The following CACNA2D3 variants were observed in gnomAD, a reference collection of about 807,000 sequenced individuals.
The protein encoded by CACNA2D3 is calcium voltage-gated channel auxiliary subunit alpha2delta 3, also known as voltage-dependent calcium channel subunit alpha-2/delta-3.
In CACNA2D3, 60 loss-of-function variants were observed where a neutral mutation model predicts 160.6. That is an observed-to-expected ratio of 0.37 (90% CI 0.30 to 0.46). The LOEUF (loss-of-function observed/expected upper bound fraction) is 0.46, where lower values mean the gene tolerates loss of function less well. Ranked by LOEUF, CACNA2D3 falls within the 20% of genes least tolerant of loss-of-function variation. The probability of loss-of-function intolerance (pLI) is 1.00; values close to 1 mark genes in which losing one functional copy is unlikely to be tolerated. For synonymous variants in CACNA2D3, 558 were observed against 492.9 expected (o/e 1.13, Z -1.75); for missense variants, 1,205 against 1,365.0 (o/e 0.88, Z 1.85).
chr3:54,517,580 A>G (rs1321031985), intron 5 of CACNA2D3, among the ~76,000 whole-genome samples: 1 of 152,190 alleles, frequency 6.6e-6, no homozygotes, highest in East Asian at 1.9e-4. Context: ...AGTATCACCC[A>G]GGTGTAGAGC....
At chr3:54,813,341 G>A (rs1044839612) in intron 13 of CACNA2D3, among the ~76,000 whole-genome samples, 4 of 152,304 alleles carry the variant, frequency 2.6e-5, no homozygotes, top group South Asian at 4.1e-4. Context: ...TCCCCGGTGT[G>A]TTGAGGAAGA....
At chr3:54,457,324 T>C (rs1165989092) in intron 4 of CACNA2D3, among the ~76,000 whole-genome samples, 2 of 152,096 alleles carry the variant, frequency 1.3e-5, no homozygotes, top group Non-Finnish European at 2.9e-5. Flanking sequence ...ACCCATTTGT[T>C]GTTCAAGAGC....
chr3:54,971,131 C>T (rs1343972601), intron 29 of CACNA2D3, among the ~76,000 whole-genome samples: 1 of 151,328 alleles, frequency 6.6e-6, no homozygotes, highest in Non-Finnish European at 1.5e-5. Flanking sequence ...AAAAGCCAGT[C>T]AGCAAAGTTT....
chr3:54,438,552 T>C (rs1431583275), intron 4 of CACNA2D3, among the ~76,000 whole-genome samples: 1 of 152,214 alleles, frequency 6.6e-6, no homozygotes, highest in Non-Finnish European at 1.5e-5. Flanking sequence ...AATGCACATT[T>C]CTTTGTTTAA....
intron 2 of CACNA2D3, among the ~76,000 whole-genome samples, chr3:54,301,028 A>G (rs1326182576): frequency 2.0e-5 from 3 of 151,908 alleles, no homozygotes; most frequent in Non-Finnish European, 2.9e-5. Flanking sequence ...TCCCTTTAAA[A>G]AAAAAAAAAG....
chr3:54,537,797 A>T (rs1052791470), intron 5 of CACNA2D3, among the ~76,000 whole-genome samples: 6 of 152,098 alleles, frequency 3.9e-5, no homozygotes, highest in Admixed American at 1.3e-4. Flanking sequence ...AATGCTTGGG[A>T]AGCATACCAG....
chr3:54,810,883 G>A (rs924933551), intron 13 of CACNA2D3, among the ~76,000 whole-genome samples: 9 of 152,280 alleles, frequency 5.9e-5, no homozygotes, highest in Non-Finnish European at 1.5e-5. Flanking sequence ...CCTCTGCTCG[G>A]TGGGTATTTT....
intron 32 of CACNA2D3, among the ~76,000 whole-genome samples, chr3:55,006,404 A>T (rs1559461592): frequency 6.6e-6 from 1 of 152,000 alleles, no homozygotes. Flanking sequence ...CCTTCCCCTG[A>T]CCCACATTAC....
rs187886369 is a variant in CACNA2D3 at position 54,753,982 on chromosome 3, G to A, written c.1246+1305G>A. Reference sequence around the variant, plus strand: ...TATATCTCTTGAACTCATTTCTTCTGTCTAACTGAAAGTTTGTATCCAGTT... The same window carrying A: ...TATATCTCTTGAACTCATTTCTTCTATCTAACTGAAAGTTTGTATCCAGTT... On this transcript the variant is annotated intron_variant, in intron 12 of 37. Transcript: ENST00000474759. Among the ~76,000 whole-genome samples, 211 of 152,186 alleles carry A rather than the reference G, an allele frequency of 1.4e-3. 3 individuals carry two copies. In the Middle Eastern group the frequency reaches 0.024, roughly 17 times the overall value.
At chr3:54,198,887 C>G (rs546855612) in intron 2 of CACNA2D3, among the ~76,000 whole-genome samples, 1 of 152,232 alleles carries the variant, frequency 6.6e-6, no homozygotes, top group African/African-American at 2.4e-5. Flanking sequence ...GAGTGATGGC[C>G]GTGGCCGGGA....
At chr3:54,764,086 G>T in intron 12 of CACNA2D3, 132 bp from the exon 13 acceptor site, 1 of 916,390 alleles carries the variant, frequency 1.1e-6, no homozygotes, top group Non-Finnish European at 1.7e-6. Context: ...GAAAAATGGG[G>T]GAGAGGAGCT....
At chr3:54,636,176 A>C (rs647594) in intron 10 of CACNA2D3, among the ~76,000 whole-genome samples, 1 of 151,790 alleles carries the variant, frequency 6.6e-6, no homozygotes, top group Admixed American at 6.5e-5. Context: ...GCTAGTGGCT[A>C]GTACTATAGC....
chr3:54,559,585 G>A (rs1388707969), intron 5 of CACNA2D3, among the ~76,000 whole-genome samples: 2 of 152,106 alleles, frequency 1.3e-5, no homozygotes, highest in Non-Finnish European at 1.5e-5. Flanking sequence ...GAGCCATCAC[G>A]CCTGGCTTCA....
intron 35 of CACNA2D3, among the ~76,000 whole-genome samples, chr3:55,022,176 A>T (rs1703470376): frequency 6.6e-6 from 1 of 151,684 alleles, no homozygotes; most frequent in Admixed American, 6.6e-5. Flanking sequence ...TGATTATTAT[A>T]GCTGCCTAAG....
At chr3:54,252,121 T>TA (rs1394382426) in intron 2 of CACNA2D3, among the ~76,000 whole-genome samples, 1 of 150,030 alleles carries the variant, frequency 6.7e-6, no homozygotes, top group East Asian at 2.0e-4. Flanking sequence ...TTTTGTACGA[T>TA]ACTCTCCGTC....
chr3:55,072,300 A>G (rs1461749965), intron 35 of CACNA2D3, among the ~76,000 whole-genome samples: 4 of 152,160 alleles, frequency 2.6e-5, no homozygotes, highest in South Asian at 2.1e-4. Flanking sequence ...AAAGAAACCA[A>G]TTGTGTTGCA....
At chr3:54,775,731 C>T (rs1011223134) in intron 13 of CACNA2D3, among the ~76,000 whole-genome samples, 3 of 152,120 alleles carry the variant, frequency 2.0e-5, no homozygotes, top group Admixed American at 1.3e-4. Context: ...TTCTTCATCA[C>T]TTCTGATGAT....
intron 2 of CACNA2D3, among the ~76,000 whole-genome samples, chr3:54,127,763 G>C (rs1419509755): frequency 2.6e-5 from 4 of 152,100 alleles, no homozygotes; most frequent in Admixed American, 2.6e-4. Context: ...CAGTTTATTG[G>C]TCTCATTAAC....
At chr3:54,147,432 A>G (rs905168072) in intron 2 of CACNA2D3, among the ~76,000 whole-genome samples, 2 of 152,252 alleles carry the variant, frequency 1.3e-5, no homozygotes, top group Non-Finnish European at 2.9e-5. Context: ...TCTCTGGTAA[A>G]GGAGGGACCA....
Sources: gnomAD v4.1 joint callset for allele counts (sites outside exome capture counted in the v4.1 genomes callset) on GRCh38, gnomAD v4.1.1 for gene constraint, MANE v1.5 for transcripts, NCBI Gene and HGNC (gene_info 2026-07-23, HGNC 2026-07-21) for gene names.